SP140: variants seen among roughly 807,000 people sequenced by gnomAD.
SP140 encodes SP140 nuclear body protein.
In SP140, 81 loss-of-function variants were observed where a neutral mutation model predicts 125.0. The ratio of observed to expected loss-of-function variants is 0.65; its 90% CI spans 0.54 to 0.78. SP140 has a LOEUF of 0.78. SP140 is among the 30% of genes least tolerant of loss of function. SP140 has a pLI of 0.00. For synonymous variants in SP140, 312 were observed against 354.0 expected, an observed-to-expected ratio of 0.88 and a Z score of 1.33; for missense variants, 858 against 1,037.0, an observed-to-expected ratio of 0.83 and a Z score of 2.37.
intron 1 of SP140, chr2:230,209,783 T>G (rs2044267915): frequency 1.4e-6 from 1 of 702,896 alleles, no homozygotes; most frequent in Admixed American, 2.2e-5. Context: ...TTTTGGAAGA[T>G]GCAGCAAATG....
At chr2:230,212,909 AG>A (rs780731802) in intron 1 of SP140, 1 of 1,613,684 alleles carries the variant, frequency 6.2e-7, no homozygotes, top group East Asian at 2.2e-5. Context: ...AGCTTGGTTG[AG>A]GGGGTTGTGG....
chr2:230,269,554 C>T lies in SP140; in HGVS notation c.1263C>T (p.His421=). The T allele has an allele frequency of 1.2e-6, 2 of 1,607,220 alleles. No individual in the cohort carries two copies. Among genetic ancestry groups the T allele is most frequent in the South Asian group, 1.1e-5 (1 of 90,714 alleles). Residue 421 remains histidine (H), a synonymous_variant, in exon 13 of 27, where the codon CAC becomes CAT. Coordinates refer to ENST00000392045, the MANE Select transcript of SP140 (RefSeq NM_007237.5). ...RGSVSSELEN[H]PMNEEGESEE... ...TAGTGTCTAGTGAACTAGAAAATCACCCAATGAATGAAGAAGGAGAATCAG... is the reference window on the plus strand; with the variant it reads ...TAGTGTCTAGTGAACTAGAAAATCATCCAATGAATGAAGAAGGAGAATCAG...
intron 18 of SP140, 71 bp downstream of exon 18, chr2:230,288,037 C>T: frequency 1.6e-6 from 2 of 1,243,912 alleles, no homozygotes; most frequent in Non-Finnish European, 1.1e-6. Flanking sequence ...ACTGTACTTT[C>T]AGTAATAAAC....
chr2:230,233,259 A>G (rs2047508070), intron 1 of SP140, among the ~76,000 whole-genome samples: 1 of 152,120 alleles, frequency 6.6e-6, no homozygotes, highest in African/African-American at 2.4e-5. Context: ...TAACTATATC[A>G]TTTGAATTTG....
Position 230,245,891 on chromosome 2 carries a change from T to C in SP140, c.693T>C (p.Asp231=), listed in dbSNP as rs916948445. 2.2e-5 allele frequency: 35 copies of C among 1,607,532 alleles called. No homozygotes were observed. Among genetic ancestry groups the C allele is most frequent in the Non-Finnish European group, 2.8e-5 (33 of 1,174,152 alleles). ...CCTGTAAACTTGCTATACAAATAGA[T>C]GAAGGAGAATCAGAAGAAATGCCCA... The part of the protein sequence containing the change: ...GVSCKLAIQI[D]EGESEEMPKL... Residue 231 remains aspartate (D), a synonymous_variant, in exon 7 of 27, where the codon GAT becomes GAC. Coordinates refer to ENST00000392045, the MANE Select transcript of SP140 (RefSeq NM_007237.5).
At chr2:230,300,269 G>T (rs1426810940) in intron 22 of SP140, among the ~76,000 whole-genome samples, 3 of 152,176 alleles carry the variant, frequency 2.0e-5, no homozygotes, top group Admixed American at 6.5e-5. Flanking sequence ...TAATTATACT[G>T]CCTGTAACAT....
At chr2:230,300,291 A>G (rs2058167990) in intron 22 of SP140, among the ~76,000 whole-genome samples, 1 of 152,182 alleles carries the variant, frequency 6.6e-6, no homozygotes, top group South Asian at 2.1e-4. Context: ...CTGGCTAACC[A>G]AAGATCCTGA....
intron 4 of SP140, 114 bp downstream of exon 4, chr2:230,241,601 C>T: frequency 1.5e-6 from 1 of 673,154 alleles, no homozygotes; most frequent in Non-Finnish European, 2.7e-6. Flanking sequence ...TCCCAGTCCT[C>T]CTCCCCTCAC....
chr2:230,212,430 A>T, intron 1 of SP140: 1 of 1,606,578 alleles, frequency 6.2e-7, no homozygotes, highest in Non-Finnish European at 8.5e-7. Context: ...GTCATTGGTC[A>T]CTGAAGGAGG....
chr2:230,268,503 C>A (rs767986593), intron 12 of SP140, among the ~76,000 whole-genome samples: 2 of 143,788 alleles, frequency 1.4e-5, no homozygotes, highest in African/African-American at 2.6e-5. Context: ...CCAGCCTGGG[C>A]GACAAGAGTG....
At chr2:230,279,736 A>G (rs938145123) in intron 15 of SP140, among the ~76,000 whole-genome samples, 2 of 152,062 alleles carry the variant, frequency 1.3e-5, no homozygotes, top group Non-Finnish European at 2.9e-5. Flanking sequence ...CCCAAAGTCC[A>G]CTTGCATTCT....
At chr2:230,306,178 C>T (rs2149586560) in intron 22 of SP140, among the ~76,000 whole-genome samples, 1 of 152,338 alleles carries the variant, frequency 6.6e-6, no homozygotes, top group Admixed American at 6.5e-5. Context: ...CACCCTCACA[C>T]AGCCGGCAGG....
Position 230,208,174 on chromosome 2 carries a change from G to A in SP140, c.-323+4895G>A. The A allele has an allele frequency of 7.5e-6, 5 of 668,904 alleles. No homozygotes were observed. In the Middle Eastern group the frequency reaches 1.2e-3, roughly 161 times the overall value. 41.4% of individuals were successfully genotyped at this position (668,904 alleles called of 1,614,324 possible). On this transcript the variant is annotated intron_variant, in intron 1 of 4. Coordinates refer to the SP140 transcript ENST00000456542. The stretch of plus-strand genomic sequence containing the variant: ...AAACCACATTGCTAGAAGTTCATTG[G>A]TGACCTTAGGTGATGGTACTTCAGG...
chr2:230,295,649 C>G (rs1163579111), intron 21 of SP140, among the ~76,000 whole-genome samples: 2 of 152,180 alleles, frequency 1.3e-5, no homozygotes, highest in Non-Finnish European at 2.9e-5. Flanking sequence ...TCCTCTGTGC[C>G]TCTCAGAGCT....
At chr2:230,276,877 T>C (rs962925135) in intron 15 of SP140, among the ~76,000 whole-genome samples, 7 of 152,140 alleles carry the variant, frequency 4.6e-5, no homozygotes, top group African/African-American at 1.4e-4. Flanking sequence ...AAGAAGTAAT[T>C]GCAAGTGTGG....
At chr2:230,233,181 A>G (rs1226565495) in intron 1 of SP140, among the ~76,000 whole-genome samples, 2 of 151,896 alleles carry the variant, frequency 1.3e-5, no homozygotes, top group African/African-American at 2.4e-5. Context: ...TTTTGACTCT[A>G]TTTGTTACAC....
chr2:230,216,671 G>T, intron 3 of SP140: 1 of 1,308,084 alleles, frequency 7.6e-7, no homozygotes, highest in Non-Finnish European at 1.1e-6. Flanking sequence ...AACATGCCTG[G>T]GCTGGGCCTT....
chr2:230,232,801 T>C (rs1272954184), intron 1 of SP140, among the ~76,000 whole-genome samples: 1 of 152,212 alleles, frequency 6.6e-6, no homozygotes, highest in Non-Finnish European at 1.5e-5. Context: ...TTTATTTTTA[T>C]CTACTTGAGA....
the SP140 span, among the ~76,000 whole-genome samples, chr2:230,189,450 T>C: frequency 6.6e-6 from 1 of 152,250 alleles, no homozygotes; most frequent in Admixed American, 6.5e-5. Flanking sequence ...CCATAAATCA[T>C]TCAGGAGCAG....
Sources: gnomAD v4.1 joint callset for allele counts (sites outside exome capture counted in the v4.1 genomes callset) on GRCh38, gnomAD v4.1.1 for gene constraint, MANE v1.5 for transcripts, NCBI Gene and HGNC (gene_info 2026-07-23, HGNC 2026-07-21) for gene names.